Variants in LVRN observed in about 807,000 individuals in gnomAD.
LVRN encodes laeverin, also known as aminopeptidase Q.
A neutral mutation model predicts 111.4 loss-of-function variants in LVRN; 99 were observed. The observed-to-expected ratio is 0.89, with a 90% CI of 0.76 to 1.05. The LOEUF is 1.05. Ranked by LOEUF, LVRN falls within the 50% of genes least tolerant of loss-of-function variation. The probability of loss-of-function intolerance (pLI) is 0.00; values close to 1 mark genes in which losing one functional copy is unlikely to be tolerated. For synonymous variants in LVRN, 488 were observed against 449.5 expected (o/e 1.09, Z -1.08); for missense variants, 1,414 against 1,206.8 (o/e 1.17, Z -2.54).
At chr5:115,986,724 G>A (rs931241023) in intron 3 of LVRN, among the ~76,000 whole-genome samples, 4 of 152,186 alleles carry the variant, frequency 2.6e-5, no homozygotes, top group Non-Finnish European at 4.4e-5. Context: ...TTAATGTGTG[G>A]CATGAGAATA....
chr5:116,026,866 T>A lies in LVRN; in HGVS notation c.*748T>A, dbSNP rs1412859168. 5 of 152,298 alleles carry A rather than the reference T, an allele frequency of 3.3e-5. No individual in the cohort carries two copies. The East Asian group carries it at 7.7e-4, about 23-fold the overall frequency. The allele number at this position is 152,298 out of a possible 1,614,324, so 9.4% of individuals were successfully genotyped here. A position where few individuals can be genotyped will look rare whatever the true frequency, so the allele number is the denominator to read the frequency against. The stretch of plus-strand genomic sequence containing the variant: ...AAGGCTCTGCTCTGAAGCTCTTAAT[T>A]GTGTATTCACCAGTGGGATGGACAC... On this transcript the variant is annotated 3_prime_UTR_variant, in exon 20 of 20. Transcript: ENST00000357872.
Position 115,984,675 on chromosome 5 carries a change from A to G in LVRN, c.944A>G (p.Tyr315Cys). The G allele has an allele frequency of 1.9e-6, 3 of 1,613,672 alleles. No individual in the cohort carries two copies. Among genetic ancestry groups the G allele is most frequent in the East Asian group, 2.2e-5 (1 of 44,872 alleles). Residue 315 changes from tyrosine (Y) to cysteine (C), a missense_variant, in exon 3 of 20, where the codon TAT becomes TGT. Physicochemically the swap from Tyr to Cys is radical, Grantham distance 194. Coordinates refer to ENST00000357872, the MANE Select transcript of LVRN (RefSeq NM_173800.5). ...TYLVAFVICD[Y>C]DHVNRTERGK... ...TTAGTCGCATTTGTTATATGTGACTATGACCACGTCAACAGAACAGAAAGG... is the reference window on the plus strand; with the variant it reads ...TTAGTCGCATTTGTTATATGTGACTGTGACCACGTCAACAGAACAGAAAGG...
chr5:115,980,937 A>C (rs1753548279), intron 1 of LVRN, among the ~76,000 whole-genome samples: 1 of 152,076 alleles, frequency 6.6e-6, no homozygotes, highest in Admixed American at 6.6e-5. Flanking sequence ...AATCTCTCTT[A>C]GAATCACAGT....
At chr5:116,021,629 A>G (rs1748731214) in intron 18 of LVRN, 5 of 372,570 alleles carry the variant, frequency 1.3e-5, no homozygotes, top group South Asian at 2.2e-5. Flanking sequence ...TCAATTGTAT[A>G]TATTAACTAT....
At chr5:115,999,952 G>A in intron 7 of LVRN, 50 bp downstream of exon 7, 1 of 1,550,926 alleles carries the variant, frequency 6.4e-7, no homozygotes, top group Non-Finnish European at 8.7e-7. Context: ...GTAGAAAGTT[G>A]CATAAAATGG....
At chr5:115,990,502 T>A (rs1747962423) in intron 4 of LVRN, among the ~76,000 whole-genome samples, 1 of 152,220 alleles carries the variant, frequency 6.6e-6, no homozygotes, top group Non-Finnish European at 1.5e-5. Flanking sequence ...GCTTTAAATA[T>A]TTTTCCCTAG....
intron 1 of LVRN, among the ~76,000 whole-genome samples, chr5:115,973,698 T>A (rs1561554121): frequency 3.3e-5 from 5 of 152,204 alleles, no homozygotes; most frequent in Admixed American, 3.3e-4. Context: ...TACAAAATTG[T>A]TCAAAATATT....
Position 115,962,737 on chromosome 5 carries a change from C to G in LVRN, c.120C>G (p.Cys40Trp). The change falls in exon 1 of 20, where the codon TGC becomes TGG. Residue 40 changes from cysteine (C) to tryptophan (W), a missense_variant. Transcript: ENST00000357872. The part of the protein sequence containing the change: ...LAVLAALYGH[C>W]ERVPPSELPG... ...TACTCGCCGCCTTGTACGGCCACTG[C>G]GAGCGCGTCCCACCGTCGGAGCTGC... 5 of 1,612,094 alleles carry G rather than the reference C, an allele frequency of 3.1e-6. No individual in the cohort carries two copies. Among genetic ancestry groups the G allele is most frequent in the African/African-American group, 2.7e-5 (2 of 75,026 alleles).
intron 12 of LVRN, among the ~76,000 whole-genome samples, chr5:116,003,587 GT>G (rs5870678): frequency 0.73 from 86,364 of 117,526 alleles, 30,613 homozygotes; most frequent in African/African-American, 0.76. Context: ...TGTTTTTTTT[GT>G]TTTTTTTTTT....
chr5:115,962,742 G>C lies in LVRN; in HGVS notation c.125G>C (p.Arg42Pro). The C allele has an allele frequency of 6.2e-7, 1 of 1,612,118 alleles. No homozygotes were observed. Among genetic ancestry groups the C allele is most frequent in the South Asian group, 1.1e-5 (1 of 91,024 alleles). ...VLAALYGHCE[R>P]VPPSELPGLR... ...GCCGCCTTGTACGGCCACTGCGAGC[G>C]CGTCCCACCGTCGGAGCTGCCTGGA... Residue 42 changes from arginine to proline, a missense_variant, in exon 1 of 20, where the codon CGC (arginine) becomes CCC (proline). Physicochemically the swap from Arg to Pro is moderately radical, Grantham distance 103. Transcript: ENST00000357872.
chr5:116,025,813 A>G (rs1041157840), intron 19 of LVRN, among the ~76,000 whole-genome samples, 165 bp from the exon 20 acceptor site: 1 of 152,208 alleles, frequency 6.6e-6, no homozygotes, highest in Non-Finnish European at 1.5e-5. Context: ...ACATTGTCTC[A>G]GTCACAGTCT....
intron 1 of LVRN, among the ~76,000 whole-genome samples, chr5:115,969,118 G>C (rs1325406354): frequency 6.6e-6 from 1 of 152,098 alleles, no homozygotes; most frequent in Non-Finnish European, 1.5e-5. Context: ...TCTCAATATA[G>C]CCTTTGTGTA....
Position 116,003,194 on chromosome 5 carries a change from T to C in LVRN, c.1898-47T>C, listed in dbSNP as rs562571712. 287 of 1,490,398 alleles carry C rather than the reference T, an allele frequency of 1.9e-4. 3 individuals are homozygous for C. In the South Asian group the frequency reaches 3.5e-3, roughly 18 times the overall value. 92.3% of individuals were successfully genotyped at this position (1,490,398 alleles called of 1,614,324 possible). ...TGTGTAGTATTAATAGGTATTAAGATCTTTTTTAAATGTACCATTTCAAAT... is the reference window on the plus strand; with the variant it reads ...TGTGTAGTATTAATAGGTATTAAGACCTTTTTTAAATGTACCATTTCAAAT... On this transcript the variant is annotated intron_variant, in intron 11 of 19. Coordinates refer to ENST00000357872, the MANE Select transcript of LVRN (RefSeq NM_173800.5).
At chr5:116,025,112 T>C (rs536152827) in intron 19 of LVRN, among the ~76,000 whole-genome samples, 6 of 152,194 alleles carry the variant, frequency 3.9e-5, no homozygotes, top group Non-Finnish European at 8.8e-5. Flanking sequence ...ATCCGTGATG[T>C]GGAGTTGTGG....
chr5:116,022,590 T>G (rs935750594), intron 19 of LVRN, 124 bp downstream of exon 19: 1 of 674,534 alleles, frequency 1.5e-6, no homozygotes, highest in Non-Finnish European at 2.6e-6. Context: ...CTTCTATTGG[T>G]GCTGTATCAC....
At chr5:116,024,793 A>T (rs1748828600) in intron 19 of LVRN, among the ~76,000 whole-genome samples, 2 of 152,228 alleles carry the variant, frequency 1.3e-5, no homozygotes, top group African/African-American at 2.4e-5. Context: ...AATTTAAAAA[A>T]ATATATGAAT....
intron 1 of LVRN, among the ~76,000 whole-genome samples, chr5:115,979,972 G>A (rs1753527948): frequency 6.6e-6 from 1 of 152,102 alleles, no homozygotes; most frequent in South Asian, 2.1e-4. Context: ...TGTGGTTCTT[G>A]ACCACAAAGA....
In LVRN at chr5:115,987,875, C is replaced by CA. The variant is rs1270300681; in HGVS notation, c.1042dup (p.Thr348AsnfsTer13). On this transcript the variant is annotated frameshift_variant, in exon 4 of 20. Transcript: ENST00000357872. LOFTEE classifies it high-confidence loss of function. Reference sequence around the variant, plus strand: ...GAAGTGCAGACTTTGCTTTGAACATCACAGGTCCCATCTTCTCTTTTCTGG... The same window carrying CA: ...GAAGTGCAGACTTTGCTTTGAACATCAACAGGTCCCATCTTCTCTTTTCTGG... 3.7e-6 allele frequency: 6 copies of CA among 1,613,350 alleles called. No homozygotes were observed. The East Asian group carries it at 1.3e-4, about 36-fold the overall frequency.
chr5:115,963,018 C>A lies in LVRN; in HGVS notation c.401C>A (p.Thr134Lys). Residue 134 changes from threonine (T) to lysine (K), a missense_variant, in exon 1 of 20, where the codon ACG becomes AAG. Physicochemically the swap from Thr to Lys is moderately conservative, Grantham distance 78. Transcript: ENST00000357872. ...SLPFTGRVNI[T>K]VRCTVATSRL... ...CCCTTCACTGGCCGCGTGAACATCA[C>A]GGTGCGCTGCACGGTGGCCACCTCT... The A allele has an allele frequency of 6.2e-7, 1 of 1,613,644 alleles. No individual in the cohort carries two copies. Among genetic ancestry groups the A allele is most frequent in the Non-Finnish European group, 8.5e-7 (1 of 1,179,922 alleles).
Sources: gnomAD v4.1 joint callset for allele counts (sites outside exome capture counted in the v4.1 genomes callset) on GRCh38, gnomAD v4.1.1 for gene constraint, MANE v1.5 for transcripts, NCBI Gene and HGNC (gene_info 2026-07-23, HGNC 2026-07-21) for gene names.